PBX1: variants seen among roughly 807,000 people sequenced by gnomAD.
PBX1 encodes PBX homeobox 1.
PBX1 carries 6 observed loss-of-function variants against 53.4 expected under a neutral mutation model. The observed-to-expected ratio is 0.11, with a 90% CI of 0.06 to 0.22. The LOEUF is 0.22. PBX1 is among the 10% of genes least tolerant of loss of function. The pLI is 1.00. For synonymous variants in PBX1, 204 were observed against 212.3 expected (o/e 0.96, Z 0.34); for missense variants, 251 against 551.4 (o/e 0.46, Z 5.46).
chr1:164,674,860 C>CCA (rs1307608428), intron 2 of PBX1: 2 of 93,264 alleles, frequency 2.1e-5, no homozygotes, highest in Non-Finnish European at 5.0e-5. Context: ...CCCCCCCCCC[C>CCA]CCACCCACCA....
intron 2 of PBX1, among the ~76,000 whole-genome samples, chr1:164,790,867 TC>T (rs775282347): frequency 2.3e-4 from 35 of 152,122 alleles, no homozygotes; most frequent in Non-Finnish European, 5.0e-4. Context: ...ATCTTCACCT[TC>T]CCTGTTACAA....
At chr1:164,728,016 A>G (rs1205616911) in intron 2 of PBX1, among the ~76,000 whole-genome samples, 1 of 152,158 alleles carries the variant, frequency 6.6e-6, no homozygotes, top group African/African-American at 2.4e-5. Context: ...TTCATTTGGT[A>G]TGGTTATAGT....
At chr1:164,786,720 T>TGC (rs1553246258) in intron 2 of PBX1, among the ~76,000 whole-genome samples, 25 of 116,294 alleles carry the variant, frequency 2.1e-4, no homozygotes, top group African/African-American at 6.6e-4. Context: ...TGTGTGTGTG[T>TGC]GCGCGCGCAC....
At chr1:164,774,369 C>A (rs1049153772) in intron 2 of PBX1, 1 of 152,096 alleles carries the variant, frequency 6.6e-6, no homozygotes, top group Non-Finnish European at 1.5e-5. Flanking sequence ...TAAAAGGAAA[C>A]CCCCATCTGG....
At chr1:164,603,165 T>TC (rs1252663865) in intron 2 of PBX1, among the ~76,000 whole-genome samples, 1 of 150,194 alleles carries the variant, frequency 6.7e-6, no homozygotes, top group Non-Finnish European at 1.5e-5. Flanking sequence ...GAAGCAGCAT[T>TC]TTTTTTTTTC....
At chr1:164,648,062 A>C (rs1056470640) in intron 2 of PBX1, among the ~76,000 whole-genome samples, 3 of 151,884 alleles carry the variant, frequency 2.0e-5, no homozygotes, top group African/African-American at 7.3e-5. Flanking sequence ...TGATCTGCCC[A>C]TCTCGGTCTC....
chr1:164,578,966 C>A (rs549746159), intron 2 of PBX1, among the ~76,000 whole-genome samples: 1 of 152,018 alleles, frequency 6.6e-6, no homozygotes, highest in Non-Finnish European at 1.5e-5. Context: ...CCTCCCCGCC[C>A]CCATTGCTAT....
At chr1:164,677,668 G>A (rs1241681939) in intron 2 of PBX1, among the ~76,000 whole-genome samples, 1 of 152,116 alleles carries the variant, frequency 6.6e-6, no homozygotes, top group Non-Finnish European at 1.5e-5. Flanking sequence ...AGGAGGTAGG[G>A]ATGGGGTGAA....
At chr1:164,580,918 T>C (rs1297960225) in intron 2 of PBX1, among the ~76,000 whole-genome samples, 3 of 152,132 alleles carry the variant, frequency 2.0e-5, no homozygotes, top group Admixed American at 6.5e-5. Flanking sequence ...CAAGCATGAC[T>C]TATTTTTGCA....
At chr1:164,568,912 G>C (rs1188217822) in intron 2 of PBX1, among the ~76,000 whole-genome samples, 1 of 152,214 alleles carries the variant, frequency 6.6e-6, no homozygotes, top group Non-Finnish European at 1.5e-5. Context: ...AAGGTCAATA[G>C]TGTCTTACCC....
chr1:164,744,785 G>C (rs1665806738), intron 2 of PBX1, among the ~76,000 whole-genome samples: 1 of 152,144 alleles, frequency 6.6e-6, no homozygotes, highest in Non-Finnish European at 1.5e-5. Context: ...GGTAATCTGA[G>C]GACATTTTTT....
Position 164,655,494 on chromosome 1 carries a change from C to T in PBX1, c.265+92183C>T, listed in dbSNP as rs116627580. Reference sequence around the variant, plus strand: ...GGTCTGGCTTTGGGAGTAGAAAAGTCCAATGTTGAGTACAACATTGAGATA... The same window carrying T: ...GGTCTGGCTTTGGGAGTAGAAAAGTTCAATGTTGAGTACAACATTGAGATA... On this transcript the variant is annotated intron_variant, in intron 2 of 8. Transcript: ENST00000420696. 3.0e-3 allele frequency among the ~76,000 whole-genome samples: 455 copies of T among 152,190 alleles called. 4 individuals carry two copies. Among genetic ancestry groups the T allele is most frequent in the African/African-American group, 0.011 (438 of 41,520 alleles).
chr1:164,862,152 G>A (rs916532109), intron 2 of PBX1, among the ~76,000 whole-genome samples: 4 of 152,162 alleles, frequency 2.6e-5, no homozygotes, highest in Admixed American at 6.5e-5. Context: ...CCAGTGAGGA[G>A]GCAATTGCAA....
rs375616357 is a variant in PBX1, at chr1:164,783,853, G to A, written c.266-8641G>A. 8.0e-4 allele frequency among the ~76,000 whole-genome samples: 122 copies of A among 152,264 alleles called. 5 individuals are homozygous for A. In the South Asian group the frequency reaches 0.024, roughly 30 times the overall value. ...ATGTATTAGCTCTTGCCAGAAAGCA[G>A]GCAATGTGCTAGGTGCCTCACTGAG... On this transcript the variant is annotated intron_variant, in intron 2 of 8. Transcript: ENST00000420696.
chr1:164,626,582 T>G (rs559463037), intron 2 of PBX1, among the ~76,000 whole-genome samples: 1 of 152,358 alleles, frequency 6.6e-6, no homozygotes, highest in East Asian at 1.9e-4. Context: ...TTTCAGAAAA[T>G]TCTTCCATAA....
chr1:164,789,848 A>G (rs183676210), intron 2 of PBX1, among the ~76,000 whole-genome samples: 6 of 152,306 alleles, frequency 3.9e-5, no homozygotes, highest in African/African-American at 1.4e-4. Context: ...TTCTGAAGGA[A>G]GTATATTGGA....
intron 2 of PBX1, among the ~76,000 whole-genome samples, chr1:164,656,279 T>C (rs1426069808): frequency 6.6e-6 from 1 of 152,232 alleles, no homozygotes; most frequent in African/African-American, 2.4e-5. Context: ...AAAGCACTTC[T>C]GTCCTGATAA....
intron 2 of PBX1, among the ~76,000 whole-genome samples, chr1:164,790,481 G>A (rs960020102): frequency 2.0e-5 from 3 of 152,094 alleles, no homozygotes; most frequent in Non-Finnish European, 2.9e-5. Context: ...TGTGGTTTGC[G>A]TCTAGGGTGC....
intron 2 of PBX1, among the ~76,000 whole-genome samples, chr1:164,885,090 C>T (rs1672747900): frequency 6.6e-6 from 1 of 152,158 alleles, no homozygotes; most frequent in Non-Finnish European, 1.5e-5. Context: ...GCAGGCATTT[C>T]TATCCTTGTT....
Sources: gnomAD v4.1 joint callset for allele counts (sites outside exome capture counted in the v4.1 genomes callset) on GRCh38, gnomAD v4.1.1 for gene constraint, MANE v1.5 for transcripts, NCBI Gene and HGNC (gene_info 2026-07-23, HGNC 2026-07-21) for gene names.